UST: variants seen among roughly 807,000 people sequenced by gnomAD.
The protein encoded by UST is chondroitin sulfate 2-O-sulfotransferase.
Under a neutral mutation model 45.6 loss-of-function variants are expected in UST, and 21 were observed. The ratio of observed to expected loss-of-function variants is 0.46; its 90% confidence interval spans 0.33 to 0.66. UST has a LOEUF of 0.66. UST is among the 30% of genes least tolerant of loss of function. UST has a pLI of 0.02. For missense variants in UST, 463 were observed against 512.4 expected (o/e 0.90, Z 0.93); for synonymous variants, 215 against 200.6 (o/e 1.07, Z -0.61).
intron 7 of UST, 28 bp from the exon 8 acceptor site, chr6:149,073,805 C>T: frequency 6.2e-7 from 1 of 1,603,772 alleles, no homozygotes; most frequent in African/African-American, 1.3e-5. Context: ...CAAATGATGG[C>T]TCATGTGCGA....
chr6:148,982,163 A>G (rs777731512), intron 5 of UST, among the ~76,000 whole-genome samples: 6 of 151,668 alleles, frequency 4.0e-5, no homozygotes, highest in Admixed American at 6.6e-5. Context: ...CCATGGTGCA[A>G]TTTTGGCTCA....
At chr6:148,806,396 C>T (rs1163547110) in intron 1 of UST, among the ~76,000 whole-genome samples, 4 of 152,020 alleles carry the variant, frequency 2.6e-5, no homozygotes, top group Non-Finnish European at 4.4e-5. Flanking sequence ...TGGAGTGCAG[C>T]GGTGCGATCT....
chr6:148,891,071 T>A (rs1386921810), intron 2 of UST, among the ~76,000 whole-genome samples: 2 of 152,212 alleles, frequency 1.3e-5, no homozygotes. Flanking sequence ...CCTTATACTT[T>A]AATGCATAAT....
chr6:148,900,660 T>C (rs1241135405), intron 2 of UST, among the ~76,000 whole-genome samples: 1 of 152,232 alleles, frequency 6.6e-6, no homozygotes, highest in Non-Finnish European at 1.5e-5. Flanking sequence ...CTACTACATG[T>C]ATTCACTCCT....
chr6:149,018,078 G>A (rs555189777), intron 5 of UST, among the ~76,000 whole-genome samples: 10 of 152,124 alleles, frequency 6.6e-5, no homozygotes, highest in East Asian at 1.9e-4. Flanking sequence ...GTTTATTTCC[G>A]TTGAATTTGT....
intron 1 of UST, among the ~76,000 whole-genome samples, chr6:148,871,502 C>T (rs970092220): frequency 6.6e-6 from 1 of 152,212 alleles, no homozygotes; most frequent in Non-Finnish European, 1.5e-5. Context: ...TAGCATTTCA[C>T]TCACATTGCT....
intron 1 of UST, among the ~76,000 whole-genome samples, chr6:148,862,722 G>T (rs1398088702): frequency 3.9e-5 from 6 of 152,150 alleles, no homozygotes; most frequent in African/African-American, 1.4e-4. Flanking sequence ...GCATTTGCTT[G>T]TCTGTAAAGA....
At chr6:148,798,152 C>T (rs1776986751) in intron 1 of UST, among the ~76,000 whole-genome samples, 1 of 152,122 alleles carries the variant, frequency 6.6e-6, no homozygotes, top group Admixed American at 6.5e-5. Flanking sequence ...CGAGCAGGCA[C>T]ATGATGGAGG....
chr6:148,945,028 A>C (rs1376279320), intron 3 of UST, among the ~76,000 whole-genome samples: 1 of 152,244 alleles, frequency 6.6e-6, no homozygotes, highest in Admixed American at 6.5e-5. Flanking sequence ...TATTACAACT[A>C]TGAGAATCCA....
At chr6:148,789,368 T>C (rs1483808735) in intron 1 of UST, among the ~76,000 whole-genome samples, 1 of 151,660 alleles carries the variant, frequency 6.6e-6, no homozygotes, top group Non-Finnish European at 1.5e-5. Context: ...CTGCATCCAA[T>C]GGAAGCATCT....
intron 7 of UST, among the ~76,000 whole-genome samples, chr6:149,063,710 G>A (rs986857260): frequency 6.6e-6 from 1 of 152,116 alleles, no homozygotes; most frequent in Non-Finnish European, 1.5e-5. Context: ...CAGCACCCTC[G>A]TCCTTCTGAT....
At chr6:148,850,111 T>C (rs1778075710) in intron 1 of UST, among the ~76,000 whole-genome samples, 1 of 152,228 alleles carries the variant, frequency 6.6e-6, no homozygotes, top group Admixed American at 6.5e-5. Context: ...ACCCACTTTA[T>C]ATTTCTATGA....
At chr6:148,755,120 A>G (rs551868458) in intron 1 of UST, among the ~76,000 whole-genome samples, 2 of 152,346 alleles carry the variant, frequency 1.3e-5, no homozygotes, top group East Asian at 3.9e-4. Context: ...GCTCACTAGA[A>G]TGGAGCCGAT....
intron 2 of UST, among the ~76,000 whole-genome samples, chr6:148,894,751 TATTTG>T (rs1203675252): frequency 1.3e-5 from 2 of 152,142 alleles, no homozygotes; most frequent in Non-Finnish European, 2.9e-5. Flanking sequence ...TTTTAGGCAT[TATTTG>T]ATTTGATTTA....
chr6:148,989,862 T>C (rs1781313709), intron 5 of UST, among the ~76,000 whole-genome samples: 2 of 152,152 alleles, frequency 1.3e-5, no homozygotes, highest in South Asian at 4.2e-4. Context: ...CTCTCCTGAG[T>C]TTTTTGGATA....
At chr6:149,066,585 A>G (rs1483234757) in intron 7 of UST, among the ~76,000 whole-genome samples, 1 of 152,138 alleles carries the variant, frequency 6.6e-6, no homozygotes, top group Non-Finnish European at 1.5e-5. Flanking sequence ...ACCAGCTGAT[A>G]CTGACCCTCA....
At chr6:148,897,478 C>G (rs1362714612) in intron 2 of UST, among the ~76,000 whole-genome samples, 2 of 119,372 alleles carry the variant, frequency 1.7e-5, no homozygotes, top group East Asian at 5.1e-4. Context: ...CCAGGCCCAG[C>G]CTTATCTTTT....
rs1780423324 is a variant in UST, at chr6:148,953,866, T to A, written c.448-6T>A. 1 of 1,572,900 alleles carries A rather than the reference T, an allele frequency of 6.4e-7. No homozygotes were observed. Among genetic ancestry groups the A allele is most frequent in the Non-Finnish European group, 8.6e-7 (1 of 1,159,010 alleles). ...TATATATGCTAATTTTTACTTTTTT[T>A]AATAGATGGAACTGATTAAAAATAT... is the stretch of plus-strand genomic sequence containing the variant. On this transcript the variant is annotated splice_region_variant and splice_polypyrimidine_tract_variant and intron_variant, in intron 3 of 7. Coordinates refer to ENST00000367463, the MANE Select transcript of UST (RefSeq NM_005715.3).
chr6:149,068,495 A>G (rs1233513294), intron 7 of UST, among the ~76,000 whole-genome samples: 2 of 152,196 alleles, frequency 1.3e-5, no homozygotes, highest in African/African-American at 2.4e-5. Context: ...AAAATATACC[A>G]CAAAGCATTA....
Sources: allele counts gnomAD v4.1 joint callset (sites outside exome capture counted in the v4.1 genomes callset), GRCh38; gene constraint gnomAD v4.1.1; transcripts MANE v1.5; gene names NCBI Gene and HGNC (gene_info 2026-07-23, HGNC 2026-07-21).